Variants in SYT10 observed in about 807,000 individuals in gnomAD.
The protein encoded by SYT10 is synaptotagmin 10.
Under a neutral mutation model 51.1 loss-of-function variants are expected in SYT10, and 31 were observed. That is an observed-to-expected ratio of 0.61 (90% CI 0.46 to 0.82). The LOEUF (loss-of-function observed/expected upper bound fraction) is 0.82. SYT10 is among the 40% of genes least tolerant of loss of function. The probability of loss-of-function intolerance (pLI) is 0.00; values close to 1 mark genes in which losing one functional copy is unlikely to be tolerated. For missense variants in SYT10, 603 were observed against 634.0 expected (o/e 0.95, Z 0.53); for synonymous variants, 233 against 225.9 (o/e 1.03, Z -0.28).
At chr12:33,423,720 C>T (rs1866525308) in intron 2 of SYT10, among the ~76,000 whole-genome samples, 1 of 152,104 alleles carries the variant, frequency 6.6e-6, no homozygotes, top group South Asian at 2.1e-4. Context: ...CTGTCCTAAG[C>T]ATACTTTGTA....
At chr12:33,387,745 A>AGGTT (rs1866168920) in intron 3 of SYT10, among the ~76,000 whole-genome samples, 1 of 78,962 alleles carries the variant, frequency 1.3e-5, no homozygotes, top group African/African-American at 6.4e-5. Context: ...TCCTTCTAAC[A>AGGTT]TGTTTTTTTT....
intron 1 of SYT10, among the ~76,000 whole-genome samples, chr12:33,437,825 C>T (rs759259335): frequency 6.6e-6 from 1 of 152,080 alleles, no homozygotes; most frequent in Non-Finnish European, 1.5e-5. Flanking sequence ...ACGATACGCA[C>T]GACACAGAAT....
intron 1 of SYT10, among the ~76,000 whole-genome samples, chr12:33,434,098 C>T (rs1565500946): frequency 6.6e-6 from 1 of 152,162 alleles, no homozygotes; most frequent in East Asian, 1.9e-4. Context: ...AACATGCTTT[C>T]CTTTTACTGC....
chr12:33,434,909 G>C lies in SYT10; in HGVS notation c.151+4463C>G, dbSNP rs765093159. Among the ~76,000 whole-genome samples the C allele has an allele frequency of 7.2e-5, 11 of 152,324 alleles. No homozygotes were observed. In the South Asian group the frequency reaches 8.3e-4, roughly 11 times the overall value. On this transcript the variant is annotated intron_variant, in intron 1 of 6. Transcript: ENST00000228567. ...CAATAAACAAGCCCCTGACCTCAAA[G>C]AGCTGACATGCTATTGACTTAATGT...
chr12:33,378,952 C>T (rs748781176), intron 6 of SYT10, among the ~76,000 whole-genome samples: 4 of 152,050 alleles, frequency 2.6e-5, no homozygotes, highest in Non-Finnish European at 4.4e-5. Flanking sequence ...CAGATATTGA[C>T]GATGACAGTT....
At chr12:33,406,345 T>C (rs538318528) in intron 3 of SYT10, among the ~76,000 whole-genome samples, 1 of 152,102 alleles carries the variant, frequency 6.6e-6, no homozygotes, top group Non-Finnish European at 1.5e-5. Context: ...CTTTTCCAAA[T>C]AGCATCAAAG....
rs1435058823 is a variant in SYT10 at position 33,400,769 on chromosome 12, T to C, written c.1077+6020A>G. Among the ~76,000 whole-genome samples the C allele has an allele frequency of 3.3e-5, 5 of 152,196 alleles. No individual in the cohort carries two copies. The East Asian group carries it at 9.6e-4, about 29-fold the overall frequency. On this transcript the variant is annotated intron_variant, in intron 3 of 6. Transcript: ENST00000228567. ...GGTCAGGTGTGGTGGCTCACGCCTG[T>C]AATCCCAACACTTTGGGAGACCGAG...
chr12:33,374,247 T>C lies in SYT10; in HGVS notation c.*2583A>G, dbSNP rs972087772. On this transcript the variant is annotated 3_prime_UTR_variant, in exon 7 of 7. Coordinates refer to ENST00000228567, the MANE Select transcript of SYT10 (RefSeq NM_198992.4). ...GCTAATGAATCAACCCTTACTCTTTTTTTTCCTAGACTGATATTTGGTAAG... is the reference window on the plus strand; with the variant it reads ...GCTAATGAATCAACCCTTACTCTTTCTTTTCCTAGACTGATATTTGGTAAG... 3.2e-4 allele frequency: 48 copies of C among 151,938 alleles called. No individual in the cohort carries two copies. The highest frequency in any genetic ancestry group is 3.4e-3 in the Middle Eastern group (1 of 294). 9.4% of individuals were successfully genotyped at this position (151,938 alleles called of 1,614,324 possible).
chr12:33,393,548 A>G (rs1230706547), intron 3 of SYT10, among the ~76,000 whole-genome samples: 1 of 152,198 alleles, frequency 6.6e-6, no homozygotes, highest in Non-Finnish European at 1.5e-5. Flanking sequence ...TCTTAAATTG[A>G]TTGACATTGT....
At chr12:33,378,744 C>T (rs574876481) in intron 6 of SYT10, among the ~76,000 whole-genome samples, 3 of 151,968 alleles carry the variant, frequency 2.0e-5, no homozygotes, top group Non-Finnish European at 2.9e-5. Context: ...CTTTCCAAGC[C>T]GTGAGCTACT....
In SYT10 at chr12:33,376,672, T is replaced by C. The variant is rs563597483; in HGVS notation, c.*158A>G. 2.6e-5 allele frequency: 21 copies of C among 792,864 alleles called. No homozygotes were observed. Among genetic ancestry groups the C allele is most frequent in the Non-Finnish European group, 3.9e-5 (20 of 507,860 alleles). The allele number at this position is 792,864 out of a possible 1,614,324, so 49.1% of individuals were successfully genotyped here. A position where few individuals can be genotyped will look rare whatever the true frequency, so the allele number is the denominator to read the frequency against. ...AGTAAAATGTATTGATGTTCAAAGT[T>C]AAAAAATCAACAATAAAAGCAAATA... On this transcript the variant is annotated 3_prime_UTR_variant, in exon 7 of 7. Transcript: ENST00000228567.
At chr12:33,385,333 G>A in intron 3 of SYT10, 42 bp from the exon 4 acceptor site, 2 of 1,604,842 alleles carry the variant, frequency 1.2e-6, no homozygotes, top group Non-Finnish European at 1.7e-6. Context: ...AAACATTGAA[G>A]GGTGAAAACC....
At chr12:33,392,531 AG>A (rs575415349) in intron 3 of SYT10, among the ~76,000 whole-genome samples, 63 of 152,252 alleles carry the variant, frequency 4.1e-4, no homozygotes, top group African/African-American at 1.3e-3. Context: ...CAGGAAAAGG[AG>A]GCTTCTATCA....
At chr12:33,419,400 G>A (rs1268978525) in intron 2 of SYT10, among the ~76,000 whole-genome samples, 1 of 152,098 alleles carries the variant, frequency 6.6e-6, no homozygotes, top group Non-Finnish European at 1.5e-5. Flanking sequence ...ATTTAGCCAT[G>A]TGACTAAATA....
chr12:33,403,789 ATT>A (rs5797533), intron 3 of SYT10, among the ~76,000 whole-genome samples: 3 of 150,054 alleles, frequency 2.0e-5, no homozygotes, highest in East Asian at 2.0e-4. Flanking sequence ...CACATACATC[ATT>A]TTTTTTTTAT....
In SYT10 at chr12:33,439,746, C is replaced by CTGCG. The variant is rs1866670146; in HGVS notation, c.-225_-224insCGCA. On this transcript the variant is annotated 5_prime_UTR_variant, in exon 1 of 7. Transcript: ENST00000228567. ...AGGCGCGCGAGGAGGCTGCGGCTGC[C>CTGCG]GCGAGGTTTGCGCCAACTCTCCCGC... The CTGCG allele has an allele frequency of 1.5e-5, 8 of 535,392 alleles. No individual in the cohort carries two copies. Among genetic ancestry groups the CTGCG allele is most frequent in the South Asian group, 5.3e-5 (2 of 37,884 alleles). 33.2% of individuals were successfully genotyped at this position (535,392 alleles called of 1,614,324 possible). A position where few individuals can be genotyped will look rare whatever the true frequency, so the allele number is the denominator to read the frequency against.
intron 3 of SYT10, among the ~76,000 whole-genome samples, chr12:33,399,405 G>A (rs1193473606): frequency 6.6e-6 from 1 of 152,164 alleles, no homozygotes; most frequent in Non-Finnish European, 1.5e-5. Context: ...ACAGAAGGCT[G>A]TAATCAATGT....
In SYT10 at chr12:33,426,062, T is replaced by TCACA. The variant is rs3046353; in HGVS notation, c.509+72_509+75dup. 11,463 of 1,205,156 alleles carry TCACA rather than the reference T, an allele frequency of 9.5e-3. 52 individuals carry two copies. The highest frequency in any genetic ancestry group is 0.019 in the African/African-American group (1,158 of 62,176). 74.7% of individuals were successfully genotyped at this position (1,205,156 alleles called of 1,614,324 possible). On this transcript the variant is annotated intron_variant, in intron 2 of 6. Coordinates refer to ENST00000228567, the MANE Select transcript of SYT10 (RefSeq NM_198992.4). ...TAAAGTTTTTCTCTCTTATGAAATTTCACACACACACACACACACACACAC... is the reference window on the plus strand; with the variant it reads ...TAAAGTTTTTCTCTCTTATGAAATTTCACACACACACACACACACACACACACAC...
At position 33,386,549 on chromosome 12, in the gene SYT10, A is replaced by G. The variant is rs143075231; in HGVS notation, c.1078-1258T>C. The stretch of plus-strand genomic sequence containing the variant: ...TAAATCTTTATATGGCTGACTTCTT[A>G]CCATGCAGAACTCAACTCAAACAGC... On this transcript the variant is annotated intron_variant, in intron 3 of 6. Coordinates refer to ENST00000228567, the MANE Select transcript of SYT10 (RefSeq NM_198992.4). Among the ~76,000 whole-genome samples, 508 of 151,690 alleles carry G rather than the reference A, an allele frequency of 3.3e-3. 12 individuals are homozygous for G. Among genetic ancestry groups the G allele is most frequent in the Admixed American group, 0.031 (465 of 15,218 alleles).
Sources: allele counts gnomAD v4.1 joint callset (sites outside exome capture counted in the v4.1 genomes callset), GRCh38; gene constraint gnomAD v4.1.1; transcripts MANE v1.5; gene names NCBI Gene and HGNC (gene_info 2026-07-23, HGNC 2026-07-21).